Variants in STPG2 observed in about 807,000 individuals in gnomAD.
The protein encoded by STPG2 is sperm-tail PG-rich repeat-containing protein 2.
A neutral mutation model predicts 54.2 loss-of-function variants in STPG2; 56 were observed. The ratio of observed to expected loss-of-function variants is 1.03; its 90% CI spans 0.83 to 1.29. The LOEUF (loss-of-function observed/expected upper bound fraction) is 1.29, where lower values mean the gene tolerates loss of function less well. Ranked by LOEUF, STPG2 falls within the 50% of genes most tolerant of loss-of-function variation. STPG2 has a pLI of 0.00. For synonymous variants in STPG2, 200 were observed against 181.8 expected (o/e 1.10, Z -0.81); for missense variants, 596 against 544.9 (o/e 1.09, Z -0.93).
At chr4:97,967,017 C>T (rs1431320364) in intron 7 of STPG2, among the ~76,000 whole-genome samples, 2 of 152,080 alleles carry the variant, frequency 1.3e-5, no homozygotes, top group Admixed American at 1.3e-4. Flanking sequence ...CCATAGTAAC[C>T]TTAAATGTAA....
chr4:97,960,003 T>C (rs1733828494), intron 7 of STPG2, among the ~76,000 whole-genome samples: 1 of 152,114 alleles, frequency 6.6e-6, no homozygotes, highest in African/African-American at 2.4e-5. Flanking sequence ...TCTACCATGA[T>C]CAAGTAGGTT....
chr4:97,937,611 T>C (rs148482286), intron 8 of STPG2, among the ~76,000 whole-genome samples: 2 of 152,302 alleles, frequency 1.3e-5, no homozygotes, highest in East Asian at 3.9e-4. Flanking sequence ...TGTTTGTTTG[T>C]TTTCCTTTGA....
At chr4:97,468,613 G>T (rs1729845201) in intron 4 of STPG2, among the ~76,000 whole-genome samples, 1 of 152,070 alleles carries the variant, frequency 6.6e-6, no homozygotes, top group Non-Finnish European at 1.5e-5. Flanking sequence ...GTTAAACGTG[G>T]TAATAACCAG....
chr4:97,936,536 C>G (rs1237109429), intron 8 of STPG2, among the ~76,000 whole-genome samples: 1 of 152,066 alleles, frequency 6.6e-6, no homozygotes, highest in African/African-American at 2.4e-5. Flanking sequence ...TTTCCTTATT[C>G]AGTGCTTCCT....
chr4:98,091,048 C>A (rs1306466198), intron 5 of STPG2, among the ~76,000 whole-genome samples: 4 of 151,810 alleles, frequency 2.6e-5, no homozygotes, highest in Non-Finnish European at 4.4e-5. Context: ...TCATCATTTA[C>A]CTAGTATTCT....
At chr4:98,031,726 T>C (rs995329410) in intron 5 of STPG2, among the ~76,000 whole-genome samples, 2 of 152,016 alleles carry the variant, frequency 1.3e-5, no homozygotes, top group African/African-American at 4.8e-5. Context: ...AACTGGGACT[T>C]GAACTAAAGA....
chr4:97,499,150 A>G lies in STPG2; in HGVS notation c.462+213549T>C, dbSNP rs796686265. Among the ~76,000 whole-genome samples the G allele has an allele frequency of 1.5e-4, 23 of 152,124 alleles. 1 individual carries two copies. The highest frequency in any genetic ancestry group is 5.3e-4 in the African/African-American group (22 of 41,554). On this transcript the variant is annotated intron_variant, in intron 4 of 4. Coordinates refer to the STPG2 transcript ENST00000522676. ...AAATATCAGTGAGAAAGTATCATCA[A>G]GAGTTTCTATCTTCAGGCACACTGT... is the stretch of plus-strand genomic sequence containing the variant.
chr4:97,855,129 C>A (rs535825306), intron 8 of STPG2, among the ~76,000 whole-genome samples: 1 of 152,294 alleles, frequency 6.6e-6, no homozygotes, highest in East Asian at 1.9e-4. Flanking sequence ...ATATGTACCA[C>A]ATTTTCTTTA....
chr4:97,997,097 C>A (rs545670055), intron 5 of STPG2, among the ~76,000 whole-genome samples: 1 of 152,248 alleles, frequency 6.6e-6, no homozygotes, highest in Admixed American at 6.5e-5. Context: ...GGTATCTATT[C>A]AAAGGAATAT....
chr4:97,604,207 C>T (rs1733536811), intron 10 of STPG2, among the ~76,000 whole-genome samples: 1 of 151,442 alleles, frequency 6.6e-6, no homozygotes, highest in African/African-American at 2.4e-5. Context: ...AGGATAGCCT[C>T]ATATCTTTCA....
chr4:97,799,933 T>C (rs964331342), intron 9 of STPG2, among the ~76,000 whole-genome samples: 2 of 152,200 alleles, frequency 1.3e-5, no homozygotes, highest in African/African-American at 4.8e-5. Flanking sequence ...TTCATTCATT[T>C]ATCTTCCATC....
intron 9 of STPG2, among the ~76,000 whole-genome samples, chr4:97,729,699 T>C (rs1724739022): frequency 6.6e-6 from 1 of 152,038 alleles, no homozygotes; most frequent in Non-Finnish European, 1.5e-5. Flanking sequence ...TAAACCCTCC[T>C]AACAAGAGTA....
At chr4:97,637,529 A>G (rs1409082182) in intron 10 of STPG2, among the ~76,000 whole-genome samples, 2 of 152,146 alleles carry the variant, frequency 1.3e-5, no homozygotes, top group East Asian at 1.9e-4. Context: ...AGGGTATTCA[A>G]TTAGGAAAAG....
intron 9 of STPG2, among the ~76,000 whole-genome samples, chr4:97,821,693 T>C: frequency 6.6e-6 from 1 of 152,352 alleles, no homozygotes; most frequent in Non-Finnish European, 1.5e-5. Flanking sequence ...TCTTGCACTC[T>C]GTGTGCCTAC....
At chr4:97,771,810 T>A (rs1726227810) in intron 9 of STPG2, among the ~76,000 whole-genome samples, 1 of 152,112 alleles carries the variant, frequency 6.6e-6, no homozygotes, top group African/African-American at 2.4e-5. Flanking sequence ...AGGAGTACCA[T>A]GGGAAACAGA....
In STPG2 at chr4:97,863,281, C is replaced by A. The variant is rs796182985; in HGVS notation, c.1045-22349G>T. 3.3e-5 allele frequency among the ~76,000 whole-genome samples: 5 copies of A among 152,166 alleles called. No homozygotes were observed. The East Asian group carries it at 9.6e-4, about 29-fold the overall frequency. The stretch of plus-strand genomic sequence containing the variant: ...GAAGGGGATATCACCACCGATCCCA[C>A]AGAAATACAAACTACCATCAGAGAA... On this transcript the variant is annotated intron_variant, in intron 8 of 10. Coordinates refer to ENST00000295268, the MANE Select transcript of STPG2 (RefSeq NM_174952.3).
At chr4:97,711,274 A>C (rs1353396240) in intron 10 of STPG2, among the ~76,000 whole-genome samples, 1 of 152,118 alleles carries the variant, frequency 6.6e-6, no homozygotes, top group Non-Finnish European at 1.5e-5. Context: ...TATCAAGACC[A>C]ATACCTTATT....
At chr4:97,769,309 T>G (rs1336964032) in intron 9 of STPG2, among the ~76,000 whole-genome samples, 1 of 152,110 alleles carries the variant, frequency 6.6e-6, no homozygotes, top group Non-Finnish European at 1.5e-5. Flanking sequence ...ATATAAGTGT[T>G]CCAGTTGCTG....
At chr4:97,777,948 C>T (rs950576145) in intron 9 of STPG2, among the ~76,000 whole-genome samples, 1 of 151,946 alleles carries the variant, frequency 6.6e-6, no homozygotes, top group Admixed American at 6.6e-5. Flanking sequence ...CCAAGATGGC[C>T]GAATAGGAAC....
Sources: gnomAD v4.1 joint callset for allele counts (sites outside exome capture counted in the v4.1 genomes callset) on GRCh38, gnomAD v4.1.1 for gene constraint, MANE v1.5 for transcripts, NCBI Gene and HGNC (gene_info 2026-07-23, HGNC 2026-07-21) for gene names.